The following DUOX2 variants were observed in gnomAD, a reference collection of about 807,000 sequenced individuals.
DUOX2 encodes dual oxidase 2, also known as NADH/NADPH thyroid oxidase p138-tox.
A neutral mutation model predicts 183.3 loss-of-function variants in DUOX2; 185 were observed. The ratio of observed to expected loss-of-function variants is 1.01; its 90% CI spans 0.90 to 1.14. The LOEUF (loss-of-function observed/expected upper bound fraction) is 1.14, where lower values mean the gene tolerates loss of function less well. DUOX2 is among the 50% of genes most tolerant of loss of function. The pLI, the probability that DUOX2 is intolerant of heterozygous loss-of-function variation, is 0.00. For missense variants in DUOX2, 1,999 were observed against 2,022.9 expected, an observed-to-expected ratio of 0.99 and a Z score of 0.23; for synonymous variants, 788 against 812.4, an observed-to-expected ratio of 0.97 and a Z score of 0.51.
At chr15:45,110,624 G>A in intron 8 of DUOX2, 26 bp downstream of exon 8, 1 of 1,613,468 alleles carries the variant, frequency 6.2e-7, no homozygotes. Flanking sequence ...TCTCCGCACA[G>A]GTGTCCTCCT....
Position 45,112,085 on chromosome 15 carries a change from C to A in DUOX2, c.326-130G>T. 5 of 1,118,080 alleles carry A rather than the reference C, an allele frequency of 4.5e-6. No homozygotes were observed. In the Admixed American group the frequency reaches 6.6e-5, roughly 15 times the overall value. 69.3% of individuals were successfully genotyped at this position (1,118,080 alleles called of 1,614,324 possible). Reference sequence around the variant, plus strand: ...AGTGCCAGCTCCGCCACCAGCTCTGCACGTTAGCCCCAGGTAGCCTCAATT... The same window carrying A: ...AGTGCCAGCTCCGCCACCAGCTCTGAACGTTAGCCCCAGGTAGCCTCAATT... On this transcript the variant is annotated intron_variant, in intron 4 of 33. Transcript: ENST00000389039.
At chr15:45,110,562 TCTTGCCTC>T (rs1473539262) in intron 8 of DUOX2, 38 bp from the exon 9 acceptor site, 1 of 1,613,608 alleles carries the variant, frequency 6.2e-7, no homozygotes, top group Non-Finnish European at 8.5e-7. Context: ...GAGACAGGCT[TCTTGCCTC>T]CACATCCTCC....
Position 45,095,020 on chromosome 15 carries a change from C to T in DUOX2, c.4311G>A (p.Glu1437=), listed in dbSNP as rs1232113307. 1 of 1,614,194 alleles carries T rather than the reference C, an allele frequency of 6.2e-7. No homozygotes were observed. The highest frequency in any genetic ancestry group is 8.5e-7 in the Non-Finnish European group (1 of 1,180,040). Residue 1437 remains glutamate, a synonymous_variant, in exon 32 of 34, where the codon GAG becomes GAA. Transcript: ENST00000389039. ...EWLADIIQEV[E]ENDHQDLVSV... ...ACACCAGGTCCTGGTGGTCGTTCTCCTCCACCTCTTGGATGATGTCAGCCA... is the reference window on the plus strand; with the variant it reads ...ACACCAGGTCCTGGTGGTCGTTCTCTTCCACCTCTTGGATGATGTCAGCCA...
chr15:45,096,166 T>A, intron 29 of DUOX2, 106 bp from the exon 30 acceptor site: 1 of 980,116 alleles, frequency 1.0e-6, no homozygotes, highest in Non-Finnish European at 1.6e-6. Flanking sequence ...TGGGGAGTAG[T>A]CACATGGTCT....
intron 20 of DUOX2, among the ~76,000 whole-genome samples, chr15:45,103,742 G>A (rs902901282): frequency 4.6e-5 from 7 of 152,000 alleles, no homozygotes; most frequent in Non-Finnish European, 1.0e-4. Context: ...GGCTTTTCTG[G>A]CTGGTGTTGA....
chr15:45,098,481 T>C (rs1025805028), intron 26 of DUOX2, among the ~76,000 whole-genome samples: 4 of 152,242 alleles, frequency 2.6e-5, no homozygotes, highest in Non-Finnish European at 1.5e-5. Flanking sequence ...ACATGGGACA[T>C]GCTGCATAAA....
Position 45,110,711 on chromosome 15 carries a change from C to T in DUOX2, c.883-1G>A, listed in dbSNP as rs1468399057. ...GCAGCCACTCATACACAGCGATGTT[C>T]TGAGGGGCAGAGAGGGGCGAGGGGA... On this transcript the variant is annotated splice_acceptor_variant, in intron 7 of 33. Transcript: ENST00000389039. LOFTEE classifies it high-confidence loss of function. 1 of 1,612,202 alleles carries T rather than the reference C, an allele frequency of 6.2e-7. No individual in the cohort carries two copies. The highest frequency in any genetic ancestry group is 1.7e-5 in the Admixed American group (1 of 59,998).
At chr15:45,106,415 C>A (rs1894214742) in intron 16 of DUOX2, 88 bp from the exon 17 acceptor site, 2 of 1,589,234 alleles carry the variant, frequency 1.3e-6, no homozygotes, top group Middle Eastern at 1.8e-4. Context: ...TCTGAGCAGG[C>A]GCCCTAAAGG....
chr15:45,099,575 G>A, intron 25 of DUOX2, 87 bp downstream of exon 25: 1 of 1,563,088 alleles, frequency 6.4e-7, no homozygotes, highest in Non-Finnish European at 8.8e-7. Flanking sequence ...GAGAGATGGA[G>A]GTATAAGGAG....
intron 12 of DUOX2, 49 bp downstream of exon 12, chr15:45,108,740 T>C (rs1894297900): frequency 1.3e-6 from 2 of 1,586,510 alleles, no homozygotes; most frequent in Non-Finnish European, 1.7e-6. Context: ...TGGAACAGTA[T>C]TGCCATAGGA....
chr15:45,104,534 C>T lies in DUOX2; in HGVS notation c.2335-169G>A, dbSNP rs148317487. 4.2e-3 allele frequency among the ~76,000 whole-genome samples: 635 copies of T among 152,304 alleles called. 4 individuals are homozygous for T. Among genetic ancestry groups the T allele is most frequent in the African/African-American group, 0.015 (604 of 41,556 alleles). On this transcript the variant is annotated intron_variant, in intron 18 of 33. Transcript: ENST00000389039. ...ACTGGGGCCTCTGTTGTCCTATAGA[C>T]GGGGGAATCAAATCTCTAGCAGCCT...
At position 45,099,742 on chromosome 15, in the gene DUOX2, G is replaced by C; in HGVS notation, c.3335C>G (p.Thr1112Ser). ...AAAAGGCACATAGCGGTTGAGGAAA[G>C]TCTCTCGCAGGAAGGTTATGAGGTT... ...CRNLITFLRE[T>S]FLNRYVPFDA... The change falls in exon 25 of 34, where the codon ACT becomes AGT. Residue 1112 changes from threonine (T) to serine (S), a missense_variant. Physicochemically the swap from Thr to Ser is moderately conservative, Grantham distance 58 (BLOSUM62 1). This residue lies in a region of DUOX2 where 1,628 missense variants were observed against 1,608.6 expected (regional missense o/e 1.01). Transcript: ENST00000389039. The C allele has an allele frequency of 6.2e-7, 1 of 1,614,222 alleles. No individual in the cohort carries two copies. Among genetic ancestry groups the C allele is most frequent in the Middle Eastern group, 1.6e-4 (1 of 6,062 alleles).
chr15:45,111,586 C>T lies in DUOX2; in HGVS notation c.514-1G>A, dbSNP rs1410594506. 4.6e-6 allele frequency: 7 copies of T among 1,535,400 alleles called. No homozygotes were observed. In the East Asian group the frequency reaches 1.3e-4, roughly 28 times the overall value. On this transcript the variant is annotated splice_acceptor_variant, in intron 5 of 33. Transcript: ENST00000389039. LOFTEE classifies it high-confidence loss of function. ...CCAGCCAGCCCGTCACCTGGTTGGC[C>T]TGCGGGGCACGCGGCGGGTGAGCCC...
rs143124929 is a variant in DUOX2 at position 45,101,814 on chromosome 15, C to T, written c.2830G>A (p.Gly944Ser). 31 of 1,614,244 alleles carry T rather than the reference C, an allele frequency of 1.9e-5. No individual in the cohort carries two copies. In the East Asian group the frequency reaches 2.5e-4, roughly 13 times the overall value. Residue 944 changes from glycine (G) to serine (S), a missense_variant, in exon 21 of 34, where the codon GGT (glycine) becomes AGT (serine). Gly to Ser is a moderately conservative substitution (Grantham distance 56). Around this residue, in one of 3 missense-constraint regions of DUOX2, gnomAD observed 1,628 missense variants for 1,608.6 expected, o/e 1.01. Transcript: ENST00000389039. The stretch of plus-strand genomic sequence containing the variant: ...TCACCATTTCCACCTCCACCTCCAC[C>T]TTTGACACAGAGCTGCGTGAAGCGG... ...ELRFTQLCVK[G>S]GGGGGNGIRD... is the part of the protein sequence containing the mutation.
intron 33 of DUOX2, 136 bp from the exon 34 acceptor site, chr15:45,094,408 G>A (rs1893845411): frequency 3.9e-6 from 6 of 1,528,670 alleles, no homozygotes; most frequent in Non-Finnish European, 5.3e-6. Flanking sequence ...TTAACGTGGA[G>A]GGGGTGGAAG....
Position 45,109,880 on chromosome 15 carries a change from C to T in DUOX2, c.1131+10G>A. The T allele has an allele frequency of 1.2e-6, 2 of 1,613,962 alleles. No homozygotes were observed. The highest frequency in any genetic ancestry group is 2.2e-5 in the South Asian group (2 of 91,090). On this transcript the variant is annotated intron_variant, in intron 10 of 33. Coordinates refer to ENST00000389039, the MANE Select transcript of DUOX2 (RefSeq NM_001363711.2). ...GACCCATCTTCCCCTGACCCTGACC[C>T]CAGTCTGACCTCCCGAATCCAGTAG...
In DUOX2 at chr15:45,113,013, A is replaced by G. The variant is rs141169239; in HGVS notation, c.134T>C (p.Leu45Pro). Residue 45 changes from leucine (L) to proline (P), a missense_variant, in exon 3 of 34, where the codon CTG becomes CCG. By Grantham distance (98) the Leu-to-Pro change is moderately conservative. Around this residue, in one of 3 missense-constraint regions of DUOX2, gnomAD observed 356 missense variants for 356.4 expected, o/e 1.00. Coordinates refer to ENST00000389039, the MANE Select transcript of DUOX2 (RefSeq NM_001363711.2). ...VQRYDGWFNN[L>P]RHHERGAVGC... ...AACAGCACCACGCTCGTGGTGCCTC[A>G]GGTTGTTAAACCAGCCGTCATAGCG... 3.7e-5 allele frequency: 59 copies of G among 1,613,658 alleles called. No homozygotes were observed. The highest frequency in any genetic ancestry group is 4.9e-5 in the Non-Finnish European group (58 of 1,179,976).
intron 23 of DUOX2, chr15:45,100,490 C>T (rs1313673144): frequency 2.5e-5 from 15 of 610,224 alleles, no homozygotes; most frequent in Non-Finnish European, 2.0e-5. Flanking sequence ...CAGCACAGGC[C>T]TCAAGGCTGT....
rs781226985 is a variant in DUOX2 at position 45,098,025 on chromosome 15, G to C, written c.3549C>G (p.Phe1183Leu). 6.8e-6 allele frequency: 11 copies of C among 1,614,020 alleles called. No homozygotes were observed. The South Asian group carries it at 1.1e-4, about 16-fold the overall frequency. ...SKLPQKFYWW[F>L]FQTVPGMTGV... ...GTTTCCTACCTGGGACGGTCTGGAA[G>C]AACCACCAATAGAACTTCTGGGGAA... is the stretch of plus-strand genomic sequence containing the variant. Residue 1183 changes from phenylalanine to leucine, a missense_variant, in exon 27 of 34, where the codon TTC becomes TTG. Physicochemically the swap from Phe to Leu is conservative, Grantham distance 22. Around this residue, in one of 3 missense-constraint regions of DUOX2, gnomAD observed 1,628 missense variants for 1,608.6 expected, o/e 1.01. Transcript: ENST00000389039.
Sources: allele counts gnomAD v4.1 joint callset (sites outside exome capture counted in the v4.1 genomes callset), GRCh38; gene constraint gnomAD v4.1.1; regional missense constraint gnomAD v4.1.1; transcripts MANE v1.5; gene names NCBI Gene and HGNC (gene_info 2026-07-23, HGNC 2026-07-21).